Variants in AOPEP observed in about 807,000 individuals in gnomAD.
AOPEP encodes the protein aminopeptidase O (putative).
In AOPEP, 77 loss-of-function variants were observed where a neutral mutation model predicts 98.1. That is an observed-to-expected ratio of 0.78 (90% confidence interval 0.65 to 0.95). The LOEUF (loss-of-function observed/expected upper bound fraction) is 0.95. Ranked by LOEUF, AOPEP falls within the 40% of genes least tolerant of loss-of-function variation. The pLI, the probability that AOPEP is intolerant of heterozygous loss-of-function variation, is 0.00. For synonymous variants in AOPEP, 346 were observed against 365.3 expected (o/e 0.95, Z 0.60); for missense variants, 1,024 against 1,024.7 (o/e 1.00, Z 0.01).
the AOPEP span, among the ~76,000 whole-genome samples, chr9:95,142,702 G>A: frequency 6.6e-6 from 1 of 152,138 alleles, no homozygotes. Context: ...TTAACTCTCA[G>A]AAGTGGCATG....
intron 11 of AOPEP, among the ~76,000 whole-genome samples, chr9:95,000,738 A>T (rs2061509213): frequency 6.6e-6 from 1 of 152,210 alleles, no homozygotes; most frequent in South Asian, 2.1e-4. Context: ...ACCAAATTTA[A>T]AGATATAAAT....
At chr9:94,798,456 C>T (rs1847519652) in intron 4 of AOPEP, among the ~76,000 whole-genome samples, 1 of 152,170 alleles carries the variant, frequency 6.6e-6, no homozygotes, top group African/African-American at 2.4e-5. Flanking sequence ...TATACGATCA[C>T]CAGAAATTCA....
At chr9:94,839,557 T>C (rs1040836236) in intron 5 of AOPEP, among the ~76,000 whole-genome samples, 4 of 152,138 alleles carry the variant, frequency 2.6e-5, no homozygotes, top group Admixed American at 6.5e-5. Context: ...TTAGTTTCAT[T>C]TTCATAACTA....
chr9:94,787,577 A>G (rs530363794), intron 3 of AOPEP, among the ~76,000 whole-genome samples: 1 of 152,308 alleles, frequency 6.6e-6, no homozygotes, highest in Non-Finnish European at 1.5e-5. Context: ...TTCATTCTTA[A>G]AAGGATTTCT....
chr9:94,770,839 A>G (rs1212319283), intron 2 of AOPEP, among the ~76,000 whole-genome samples: 1 of 152,128 alleles, frequency 6.6e-6, no homozygotes, highest in Non-Finnish European at 1.5e-5. Flanking sequence ...CTGTTTGGGC[A>G]CACAGATCTG....
intron 1 of AOPEP, among the ~76,000 whole-genome samples, chr9:94,743,067 G>A (rs1490999048): frequency 2.0e-5 from 3 of 152,076 alleles, no homozygotes; most frequent in Non-Finnish European, 4.4e-5. Flanking sequence ...CAGTGTTCTG[G>A]AGACAGGCAT....
At position 94,759,983 on chromosome 9, in the gene AOPEP, A is replaced by G; in HGVS notation, c.200A>G (p.Glu67Gly). ...TCTATTGAGGAAGCCTGCCAATCAG[A>G]ATCAAACAAAGCCTGCAAATTTGGG... ...NSSIEEACQS[E>G]SNKACKFGMP... is the part of the protein sequence containing the mutation. The change falls in exon 2 of 17, where the codon GAA (glutamate) becomes GGA (glycine). Residue 67 changes from glutamate to glycine, a missense_variant. By Grantham distance (98) the Glu-to-Gly change is moderately conservative. Around this residue, in one of 3 missense-constraint regions of AOPEP, gnomAD observed 440 missense variants for 433.8 expected, o/e 1.01. Coordinates refer to ENST00000375315, the MANE Select transcript of AOPEP (RefSeq NM_001193329.3). 6.2e-6 allele frequency: 10 copies of G among 1,614,218 alleles called. No individual in the cohort carries two copies. The highest frequency in any genetic ancestry group is 8.5e-6 in the Non-Finnish European group (10 of 1,180,028).
chr9:95,127,301 G>A, the AOPEP span: 1 of 152,362 alleles, frequency 6.6e-6, no homozygotes, highest in Admixed American at 6.5e-5. Context: ...AGTATGAGAT[G>A]ATGCCAGATG....
At chr9:94,742,805 G>A (rs2131983854) in intron 1 of AOPEP, among the ~76,000 whole-genome samples, 1 of 152,232 alleles carries the variant, frequency 6.6e-6, no homozygotes, top group East Asian at 1.9e-4. Context: ...TTTGGGGCAT[G>A]TAATTTTGTG....
chr9:95,109,084 A>ATTTAT, the AOPEP span, among the ~76,000 whole-genome samples: 1 of 151,782 alleles, frequency 6.6e-6, no homozygotes, highest in South Asian at 2.1e-4. Flanking sequence ...TAATTTCTTT[A>ATTTAT]TTTATTTTTT....
In AOPEP at chr9:94,775,415, G is replaced by C. The variant is rs1026476983; in HGVS notation, c.964+2247G>C. Among the ~76,000 whole-genome samples, 39 of 151,368 alleles carry C rather than the reference G, an allele frequency of 2.6e-4. 1 individual carries two copies. Among genetic ancestry groups the C allele is most frequent in the Non-Finnish European group, 5.3e-4 (36 of 67,914 alleles). On this transcript the variant is annotated intron_variant, in intron 3 of 16. Transcript: ENST00000375315. Reference sequence around the variant, plus strand: ...AGACAGAGTCTTGCTCTGTCGCCAGGCTGGAGTGCAATGGCGCGATCTCTG... The same window carrying C: ...AGACAGAGTCTTGCTCTGTCGCCAGCCTGGAGTGCAATGGCGCGATCTCTG...
At chr9:94,795,673 A>G (rs1846773180) in intron 4 of AOPEP, among the ~76,000 whole-genome samples, 1 of 151,984 alleles carries the variant, frequency 6.6e-6, no homozygotes. Context: ...GCAGCCACTG[A>G]CTCTGTGCTC....
intron 13 of AOPEP, among the ~76,000 whole-genome samples, chr9:95,046,394 A>G (rs1448253647): frequency 6.6e-6 from 1 of 152,212 alleles, no homozygotes; most frequent in Admixed American, 6.5e-5. Flanking sequence ...ACTTTTGCCA[A>G]GAATGTTTTG....
At chr9:94,978,128 G>A (rs969297228) in intron 10 of AOPEP, among the ~76,000 whole-genome samples, 1 of 152,064 alleles carries the variant, frequency 6.6e-6, no homozygotes, top group Non-Finnish European at 1.5e-5. Context: ...CCACCCACAG[G>A]GTCGCAGAGG....
At chr9:94,889,803 A>G (rs777590186) in intron 5 of AOPEP, among the ~76,000 whole-genome samples, 4 of 152,192 alleles carry the variant, frequency 2.6e-5, no homozygotes, top group Non-Finnish European at 5.9e-5. Flanking sequence ...CTAGCAGTGT[A>G]TGAGTGATTC....
intron 13 of AOPEP, 35 bp from the exon 14 acceptor site, chr9:95,060,659 T>G: frequency 7.3e-7 from 1 of 1,372,870 alleles, no homozygotes. Flanking sequence ...ATCAACTGAA[T>G]GGCATTTTCA....
At chr9:94,752,642 A>G (rs951722933) in intron 1 of AOPEP, among the ~76,000 whole-genome samples, 1 of 152,220 alleles carries the variant, frequency 6.6e-6, no homozygotes, top group Non-Finnish European at 1.5e-5. Flanking sequence ...TCCTAAAATA[A>G]TTACTAAAGA....
intron 3 of AOPEP, among the ~76,000 whole-genome samples, chr9:94,791,911 T>A (rs1845814785): frequency 6.6e-6 from 1 of 152,232 alleles, no homozygotes; most frequent in East Asian, 1.9e-4. Flanking sequence ...CATTGTTAAA[T>A]CAGGTTGTAT....
At position 95,080,846 on chromosome 9, in the gene AOPEP, C is replaced by T. The variant is rs768960883; in HGVS notation, c.2319+66C>T. 4.8e-6 allele frequency: 5 copies of T among 1,041,014 alleles called. No individual in the cohort carries two copies. In the East Asian group the frequency reaches 7.1e-5, roughly 15 times the overall value. 64.5% of individuals were successfully genotyped at this position (1,041,014 alleles called of 1,614,324 possible). A position where few individuals can be genotyped will look rare whatever the true frequency, so the allele number is the denominator to read the frequency against. ...TGTCCCTGCACTTCACACAGGAATC[C>T]ACGTTCTCAGTATCTCTTTCATAAC... On this transcript the variant is annotated intron_variant, in intron 15 of 16. Transcript: ENST00000375315.
Sources: allele counts gnomAD v4.1 joint callset (sites outside exome capture counted in the v4.1 genomes callset), GRCh38; gene constraint gnomAD v4.1.1; regional missense constraint gnomAD v4.1.1; transcripts MANE v1.5; gene names NCBI Gene and HGNC (gene_info 2026-07-23, HGNC 2026-07-21).